Variants in PRKAG2 observed in about 807,000 individuals in gnomAD.
The protein encoded by PRKAG2 is protein kinase AMP-activated non-catalytic subunit gamma 2, also known as 5'-AMP-activated protein kinase subunit gamma-2.
Under a neutral mutation model 69.6 loss-of-function variants are expected in PRKAG2, and 26 were observed. The observed-to-expected ratio is 0.37, with a 90% CI of 0.27 to 0.52. The LOEUF is 0.52. Among genes scored for constraint, PRKAG2 ranks in the 20% least tolerant of loss-of-function variants. PRKAG2 has a pLI of 0.90. For synonymous variants in PRKAG2, 293 were observed against 285.0 expected (o/e 1.03, Z -0.28); for missense variants, 557 against 740.0 (o/e 0.75, Z 2.87).
chr7:151,739,341 T>G (rs1016790604), intron 3 of PRKAG2, among the ~76,000 whole-genome samples: 1 of 152,224 alleles, frequency 6.6e-6, no homozygotes, highest in African/African-American at 2.4e-5. Flanking sequence ...TCAACTTTTC[T>G]CATGCAATTT....
intron 1 of PRKAG2, among the ~76,000 whole-genome samples, chr7:151,858,123 A>T (rs950838386): frequency 6.6e-6 from 1 of 152,122 alleles, no homozygotes; most frequent in Admixed American, 6.5e-5. Context: ...AGCTACATCC[A>T]CCAATGATTG....
intron 1 of PRKAG2, among the ~76,000 whole-genome samples, chr7:151,808,441 T>A (rs1390524675): frequency 6.6e-6 from 1 of 152,058 alleles, no homozygotes; most frequent in African/African-American, 2.4e-5. Flanking sequence ...GTTCCTCAGA[T>A]AAAAGAGCAG....
intron 5 of PRKAG2, among the ~76,000 whole-genome samples, chr7:151,622,485 A>T (rs1308940865): frequency 6.6e-6 from 1 of 152,240 alleles, no homozygotes; most frequent in Non-Finnish European, 1.5e-5. Context: ...CACCAATAGA[A>T]GATGTCAGGT....
chr7:151,673,838 CTT>C (rs57744338), intron 4 of PRKAG2, among the ~76,000 whole-genome samples: 1,166 of 87,604 alleles, frequency 0.013, 11 homozygotes, highest in African/African-American at 0.045. Flanking sequence ...AGCTTGTGTT[CTT>C]TTTTTTTTTT....
At chr7:151,849,748 C>G (rs555597696) in intron 1 of PRKAG2, among the ~76,000 whole-genome samples, 1 of 152,146 alleles carries the variant, frequency 6.6e-6, no homozygotes, top group African/African-American at 2.4e-5. Flanking sequence ...CTGCTCCCCA[C>G]GGGCCTGTGT....
chr7:151,759,185 T>G (rs886097395), intron 3 of PRKAG2, among the ~76,000 whole-genome samples: 1 of 152,184 alleles, frequency 6.6e-6, no homozygotes, highest in Non-Finnish European at 1.5e-5. Flanking sequence ...GCTCAGAGGC[T>G]GCTCCTGCCT....
intron 15 of PRKAG2, chr7:151,557,739 G>A (rs1467535802): frequency 1.3e-5 from 6 of 462,326 alleles, no homozygotes; most frequent in East Asian, 1.5e-4. Flanking sequence ...GCGTAGTGGC[G>A]GGCGCCTGTA....
chr7:151,623,538 G>A (rs1822073376), intron 5 of PRKAG2, among the ~76,000 whole-genome samples: 1 of 152,178 alleles, frequency 6.6e-6, no homozygotes, highest in African/African-American at 2.4e-5. Flanking sequence ...CACCTGCCGT[G>A]TGGGCCGATT....
intron 3 of PRKAG2, among the ~76,000 whole-genome samples, chr7:151,743,829 T>C (rs4546566): frequency 0.42 from 63,928 of 152,014 alleles, 13,629 homozygotes; most frequent in East Asian, 0.47. Flanking sequence ...CTGTGCTGAC[T>C]GCTCCTCTGC....
At position 151,814,748 on chromosome 7, in the gene PRKAG2, G is replaced by T. The variant is rs76727740; in HGVS notation, c.115-28207C>A. ...CTGGCCTAAGACAGCGCAGGCAACG[G>T]TCTTGGTGGCTGGAGCTGCTTTGCT... On this transcript the variant is annotated intron_variant, in intron 1 of 15. Transcript: ENST00000287878. The surrounding 1 kb of genome is among the most constrained non-coding windows in gnomAD (Gnocchi z 4.8). The T allele has an allele frequency of 1.7e-3, 1,989 of 1,201,950 alleles. 33 individuals carry two copies. The African/African-American group carries it at 0.028, about 17-fold the overall frequency. The allele number at this position is 1,201,950 out of a possible 1,614,324, so 74.5% of individuals were successfully genotyped here. A position where few individuals can be genotyped will look rare whatever the true frequency, so the allele number is the denominator to read the frequency against.
chr7:151,721,249 G>T (rs1355619559), intron 3 of PRKAG2, among the ~76,000 whole-genome samples: 1 of 152,042 alleles, frequency 6.6e-6, no homozygotes, highest in Non-Finnish European at 1.5e-5. Context: ...CCTGAAGCGG[G>T]GGTCCTGTCC....
intron 3 of PRKAG2, among the ~76,000 whole-genome samples, chr7:151,759,806 C>G (rs774031354): frequency 6.6e-6 from 1 of 152,224 alleles, no homozygotes. Context: ...CCAAGGGGAC[C>G]CCGACCTACT....
At chr7:151,729,069 T>C (rs1203063691) in intron 3 of PRKAG2, among the ~76,000 whole-genome samples, 6 of 150,552 alleles carry the variant, frequency 4.0e-5, no homozygotes, top group Admixed American at 6.7e-5. Flanking sequence ...GGGCCACTTG[T>C]CCAGGGTTCC....
chr7:151,581,073 C>T (rs1810362886), intron 6 of PRKAG2, among the ~76,000 whole-genome samples: 1 of 151,928 alleles, frequency 6.6e-6, no homozygotes, highest in African/African-American at 2.4e-5. Flanking sequence ...AGTATATACA[C>T]ATACTATGTA....
At chr7:151,713,001 G>A (rs1464594073) in intron 3 of PRKAG2, among the ~76,000 whole-genome samples, 1 of 152,206 alleles carries the variant, frequency 6.6e-6, no homozygotes, top group Admixed American at 6.5e-5. Flanking sequence ...GAGCAGAGGG[G>A]CGTGAGCTGG....
chr7:151,769,498 G>A lies in PRKAG2; in HGVS notation c.466+11654C>T, dbSNP rs369355182. 2.0e-4 allele frequency among the ~76,000 whole-genome samples: 30 copies of A among 152,340 alleles called. No individual in the cohort carries two copies. In the South Asian group the frequency reaches 2.3e-3, roughly 12 times the overall value. On this transcript the variant is annotated intron_variant, in intron 3 of 15. Coordinates refer to ENST00000287878, the MANE Select transcript of PRKAG2 (RefSeq NM_016203.4). ...GCAGAGGCTGAAGTTACGCATCTACGAGCCAAGGAACCCCAGGGTTTGTGG... is the reference window on the plus strand; with the variant it reads ...GCAGAGGCTGAAGTTACGCATCTACAAGCCAAGGAACCCCAGGGTTTGTGG...
chr7:151,867,277 G>A (rs926477753), intron 1 of PRKAG2, among the ~76,000 whole-genome samples: 8 of 152,268 alleles, frequency 5.3e-5, no homozygotes, highest in South Asian at 4.1e-4. Flanking sequence ...GTGATAATGC[G>A]GCACCACATA....
At chr7:151,673,820 T>C (rs1285771480) in intron 4 of PRKAG2, among the ~76,000 whole-genome samples, 1 of 149,386 alleles carries the variant, frequency 6.7e-6, no homozygotes, top group African/African-American at 2.5e-5. Context: ...TGGGCCCTCA[T>C]CCAATGTAGC....
intron 3 of PRKAG2, among the ~76,000 whole-genome samples, chr7:151,703,529 A>G (rs968774808): frequency 5.3e-5 from 8 of 152,098 alleles, no homozygotes; most frequent in African/African-American, 1.9e-4. Flanking sequence ...GGAGCATAAT[A>G]TAGAAAAGTG....
Sources: gnomAD v4.1 joint callset for allele counts (sites outside exome capture counted in the v4.1 genomes callset) on GRCh38, gnomAD v4.1.1 for gene constraint, Gnocchi (gnomAD v3.1) non-coding constraint, MANE v1.5 for transcripts, NCBI Gene and HGNC (gene_info 2026-07-23, HGNC 2026-07-21) for gene names.